MBP: variants seen among roughly 807,000 people sequenced by gnomAD.
MBP encodes myelin basic protein.
MBP carries 16 observed loss-of-function variants against 35.8 expected under a neutral mutation model. The ratio of observed to expected loss-of-function variants is 0.45; its 90% CI spans 0.30 to 0.68. The LOEUF (loss-of-function observed/expected upper bound fraction) is 0.68, where lower values mean the gene tolerates loss of function less well. Among genes scored for constraint, MBP ranks in the 30% least tolerant of loss-of-function variants. The pLI is 0.08. For missense variants in MBP, 380 were observed against 404.7 expected, an observed-to-expected ratio of 0.94 and a Z score of 0.52; for synonymous variants, 143 against 159.6, an observed-to-expected ratio of 0.90 and a Z score of 0.78.
intron 2 of MBP, among the ~76,000 whole-genome samples, chr18:77,072,407 C>T (rs781464678): frequency 9.2e-5 from 14 of 152,260 alleles, no homozygotes; most frequent in South Asian, 2.1e-4. Flanking sequence ...ACATGTACGT[C>T]GTATCAAAAT....
chr18:77,054,245 C>T (rs778648266), intron 3 of MBP, among the ~76,000 whole-genome samples: 1 of 152,230 alleles, frequency 6.6e-6, no homozygotes, highest in Non-Finnish European at 1.5e-5. Context: ...TTAGGAGTTC[C>T]TCTGGCAGGC....
chr18:77,034,110 C>G (rs1283230895), intron 3 of MBP, among the ~76,000 whole-genome samples: 1 of 118,590 alleles, frequency 8.4e-6, no homozygotes, highest in Non-Finnish European at 2.0e-5. Context: ...ATCACAGGAG[C>G]CTTTAGGCAG....
intron 4 of MBP, among the ~76,000 whole-genome samples, chr18:76,991,436 C>T (rs973162258): frequency 5.9e-5 from 9 of 152,284 alleles, no homozygotes; most frequent in South Asian, 4.1e-4. Context: ...GGGACATAGG[C>T]GACGCAGGGG....
chr18:76,980,012 G>A lies in MBP; in HGVS notation c.*415C>T, dbSNP rs1969089291. On this transcript the variant is annotated 3_prime_UTR_variant, in exon 9 of 9. Transcript: ENST00000355994. ...GTCAACAGTCCTCTCTGCCGCCCAC[G>A]TCCTCTCTGTCTCTGCAGCTGTGTG... The A allele has an allele frequency of 4.3e-6, 3 of 702,576 alleles. No homozygotes were observed. The highest frequency in any genetic ancestry group is 2.7e-5 in the East Asian group (1 of 37,274). The allele number at this position is 702,576 out of a possible 1,614,324, so 43.5% of individuals were successfully genotyped here.
chr18:77,020,105 T>C lies in MBP; in HGVS notation c.140-2837A>G, dbSNP rs1428467105. Among the ~76,000 whole-genome samples the C allele has an allele frequency of 6.6e-6, 1 of 151,920 alleles. No homozygotes were observed. The highest frequency in any genetic ancestry group is 1.5e-5 in the Non-Finnish European group (1 of 67,962). ...GGGGCCTGGGGAGGGAAGATTCTAGTGGACGGCCTCTGTGGAGGGATATGA... is the reference window on the plus strand; with the variant it reads ...GGGGCCTGGGGAGGGAAGATTCTAGCGGACGGCCTCTGTGGAGGGATATGA... On this transcript the variant is annotated intron_variant, in intron 3 of 8. Coordinates refer to ENST00000355994, the MANE Select transcript of MBP (RefSeq NM_001025101.2). This position sits in a 1 kb window ranked among gnomAD's most constrained non-coding sequence, Gnocchi z 4.1.
chr18:77,078,050 C>A (rs930187359), intron 2 of MBP, among the ~76,000 whole-genome samples: 1 of 152,202 alleles, frequency 6.6e-6, no homozygotes. Context: ...CCATGGGCCT[C>A]CTTATCTCCC....
At chr18:77,028,815 G>GAT (rs202236157) in intron 3 of MBP, among the ~76,000 whole-genome samples, 1 of 81,572 alleles carries the variant, frequency 1.2e-5, no homozygotes, top group Non-Finnish European at 3.2e-5. Context: ...CTTCTCAGAC[G>GAT]GGGCGGCCGG....
chr18:77,081,771 C>T (rs895276893), intron 2 of MBP, among the ~76,000 whole-genome samples: 15,412 of 115,692 alleles, frequency 0.13, 982 homozygotes, highest in South Asian at 0.17. Context: ...TATATATACA[C>T]ACACACACAC....
chr18:77,053,019 AG>A (rs1973565687), intron 3 of MBP, among the ~76,000 whole-genome samples: 1 of 152,224 alleles, frequency 6.6e-6, no homozygotes, highest in African/African-American at 2.4e-5. Context: ...CATTTGAAAA[AG>A]GGGAACTTTT....
intron 2 of MBP, among the ~76,000 whole-genome samples, chr18:77,067,423 T>TGCTTGCACAGCCC (rs1289680803): frequency 6.6e-6 from 1 of 152,232 alleles, no homozygotes; most frequent in Admixed American, 6.5e-5. Flanking sequence ...ACGCACAGAC[T>TGCTTGCACAGCCC]GCTTGCACAG....
chr18:77,103,432 A>C (rs1054586670), intron 2 of MBP, among the ~76,000 whole-genome samples: 1 of 152,238 alleles, frequency 6.6e-6, no homozygotes, highest in African/African-American at 2.4e-5. Flanking sequence ...GGAGACACAT[A>C]ATTTTATGTT....
intron 4 of MBP, among the ~76,000 whole-genome samples, chr18:76,996,222 A>G (rs150082281): frequency 6.6e-6 from 1 of 152,334 alleles, no homozygotes; most frequent in East Asian, 1.9e-4. Context: ...CCTTGAAACA[A>G]TTTGGTAGTT....
At chr18:77,072,669 TTTC>T (rs1468390289) in intron 2 of MBP, among the ~76,000 whole-genome samples, 1 of 152,228 alleles carries the variant, frequency 6.6e-6, no homozygotes, top group East Asian at 1.9e-4. Context: ...GCCCTTATTT[TTTC>T]TCAGAACCAT....
chr18:77,000,308 A>G (rs1970561614), intron 4 of MBP, among the ~76,000 whole-genome samples: 1 of 152,196 alleles, frequency 6.6e-6, no homozygotes, highest in South Asian at 2.1e-4. Flanking sequence ...CACAGACAAA[A>G]TATGCAAATG....
intron 2 of MBP, among the ~76,000 whole-genome samples, chr18:77,069,716 C>T (rs1189110279): frequency 6.6e-6 from 1 of 152,130 alleles, no homozygotes; most frequent in Non-Finnish European, 1.5e-5. Flanking sequence ...AGGCTGGTTT[C>T]GAGGGTGGGG....
chr18:77,000,433 GCAACAA>G (rs976046037), intron 4 of MBP, among the ~76,000 whole-genome samples: 1 of 152,176 alleles, frequency 6.6e-6, no homozygotes, highest in Non-Finnish European at 1.5e-5. Flanking sequence ...GATGCATAGA[GCAACAA>G]CAACAACAAA....
intron 3 of MBP, among the ~76,000 whole-genome samples, chr18:77,056,926 G>T (rs1973748862): frequency 6.6e-6 from 1 of 152,102 alleles, no homozygotes; most frequent in African/African-American, 2.4e-5. Context: ...AGGAGAACCG[G>T]CTTCCCACGT....
intron 2 of MBP, among the ~76,000 whole-genome samples, chr18:77,085,605 T>C (rs1975193832): frequency 6.6e-6 from 1 of 152,058 alleles, no homozygotes; most frequent in Non-Finnish European, 1.5e-5. Flanking sequence ...TTGTTTTCCA[T>C]AGTCAGGCCT....
chr18:77,012,095 G>A (rs1304404960), intron 4 of MBP, among the ~76,000 whole-genome samples: 2 of 152,224 alleles, frequency 1.3e-5, no homozygotes, highest in African/African-American at 2.4e-5. Context: ...AGGGTCTGAT[G>A]GGACATGAAA....
Sources: allele counts gnomAD v4.1 joint callset (sites outside exome capture counted in the v4.1 genomes callset), GRCh38; gene constraint gnomAD v4.1.1; non-coding constraint Gnocchi (gnomAD v3.1); transcripts MANE v1.5; gene names NCBI Gene and HGNC (gene_info 2026-07-23, HGNC 2026-07-21).